The following GLI2 variants were observed in gnomAD, a reference collection of about 807,000 sequenced individuals.
GLI2 encodes GLI family zinc finger 2.
Under a neutral mutation model 78.9 loss-of-function variants are expected in GLI2, and 22 were observed. The observed-to-expected ratio is 0.28, with a 90% CI of 0.20 to 0.40. The LOEUF is 0.40. Among genes scored for constraint, GLI2 ranks in the 10% least tolerant of loss-of-function variants. GLI2 has a pLI of 1.00. For synonymous variants in GLI2, 974 were observed against 963.7 expected (o/e 1.01, Z -0.20); for missense variants, 2,097 against 2,213.2 (o/e 0.95, Z 1.05).
intron 1 of GLI2, among the ~76,000 whole-genome samples, chr2:120,786,483 G>T (rs560373806): frequency 7.7e-6 from 1 of 129,956 alleles, no homozygotes; most frequent in East Asian, 2.3e-4. Context: ...CGCCCAACCT[G>T]CAATTCCACT....
At chr2:120,856,152 G>A (rs898790043) in intron 2 of GLI2, among the ~76,000 whole-genome samples, 1 of 152,134 alleles carries the variant, frequency 6.6e-6, no homozygotes, top group Non-Finnish European at 1.5e-5. Flanking sequence ...AGTTCTCCCT[G>A]CTGTCCATCC....
chr2:120,955,109 G>A, intron 4 of GLI2, 136 bp from the exon 5 acceptor site: 11 of 684,198 alleles, frequency 1.6e-5, no homozygotes, highest in Non-Finnish European at 2.6e-5. Flanking sequence ...GGGGGAAAAT[G>A]CCGAGGAGAG....
At chr2:120,980,427 T>C (rs539762335) in intron 10 of GLI2, among the ~76,000 whole-genome samples, 1 of 152,372 alleles carries the variant, frequency 6.6e-6, no homozygotes, top group South Asian at 2.1e-4. Context: ...ATTGGCCATT[T>C]GCGTATCTTC....
chr2:120,948,178 C>T (rs1680804780), intron 3 of GLI2, among the ~76,000 whole-genome samples: 1 of 152,218 alleles, frequency 6.6e-6, no homozygotes, highest in African/African-American at 2.4e-5. Flanking sequence ...GGCCGCACAG[C>T]ATGGAGAATG....
In GLI2 at chr2:120,961,264, C is replaced by T. The variant is rs115819163; in HGVS notation, c.643+5834C>T. On this transcript the variant is annotated intron_variant, in intron 5 of 13. Coordinates refer to ENST00000361492, the MANE Select transcript of GLI2 (RefSeq NM_001374353.1). The stretch of plus-strand genomic sequence containing the variant: ...CTGTTCTTTATGCTGCCTGTGGATC[C>T]GGGGGGTTTTCAGAAACCAATTACA... Among the ~76,000 whole-genome samples, 1,309 of 152,194 alleles carry T rather than the reference C, an allele frequency of 8.6e-3. 17 individuals carry two copies. Among genetic ancestry groups the T allele is most frequent in the African/African-American group, 0.028 (1,168 of 41,524 alleles).
At chr2:120,874,023 G>A (rs1444856069) in intron 2 of GLI2, among the ~76,000 whole-genome samples, 1 of 152,090 alleles carries the variant, frequency 6.6e-6, no homozygotes, top group Non-Finnish European at 1.5e-5. Flanking sequence ...GGTTCCATGG[G>A]GTTTGCTCAT....
intron 2 of GLI2, among the ~76,000 whole-genome samples, chr2:120,798,168 C>T (rs115857030): frequency 0.017 from 2,565 of 152,284 alleles, 32 homozygotes; most frequent in Non-Finnish European, 0.027. Flanking sequence ...CTTTTTGTTC[C>T]AGTGCATTTA....
In GLI2 at chr2:120,984,536, G is replaced by A. The variant is rs1410126050; in HGVS notation, c.1698G>A (p.Lys566=). ...KRYTDPSSLR[K]HVKTVHGPDA... The stretch of plus-strand genomic sequence containing the variant: ...ACACAGACCCCAGCTCTCTCCGGAA[G>A]CATGTGAAAACGGTCCACGGCCCAG... Residue 566 remains lysine (K), a synonymous_variant, in exon 12 of 14, where the codon AAG becomes AAA. Coordinates refer to ENST00000361492, the MANE Select transcript of GLI2 (RefSeq NM_001374353.1). 6.2e-7 allele frequency: 1 copy of A among 1,614,220 alleles called. No homozygotes were observed. The highest frequency in any genetic ancestry group is 8.5e-7 in the Non-Finnish European group (1 of 1,180,030).
chr2:120,893,613 C>T (rs79465951), intron 2 of GLI2, among the ~76,000 whole-genome samples: 10,848 of 144,848 alleles, frequency 0.075, 469 homozygotes, highest in Middle Eastern at 0.13. Flanking sequence ...GGCAGTGTCT[C>T]GGGAGGAATT....
chr2:120,842,181 CCCCT>C (rs996810545), intron 2 of GLI2, among the ~76,000 whole-genome samples: 1 of 151,962 alleles, frequency 6.6e-6, no homozygotes, highest in Non-Finnish European at 1.5e-5. Flanking sequence ...CCCCCTGGTT[CCCCT>C]CCCTGGAGAC....
rs561929614 is a variant in GLI2 at position 120,741,095 on chromosome 2, G to A, written c.-31+4810G>A. Among the ~76,000 whole-genome samples, 172 of 152,338 alleles carry A rather than the reference G, an allele frequency of 1.1e-3. 2 individuals are homozygous for A. The highest frequency in any genetic ancestry group is 9.4e-4 in the Non-Finnish European group (64 of 68,034). Reference sequence around the variant, plus strand: ...GGGCTTGGGGGAGGTGGGGCGGGGGGTGTTGTTTGTATTTCCCAGACTTAC... The same window carrying A: ...GGGCTTGGGGGAGGTGGGGCGGGGGATGTTGTTTGTATTTCCCAGACTTAC... On this transcript the variant is annotated intron_variant, in intron 1 of 13. Coordinates refer to ENST00000361492, the MANE Select transcript of GLI2 (RefSeq NM_001374353.1).
chr2:120,813,571 G>C (rs1277328489), intron 2 of GLI2, among the ~76,000 whole-genome samples: 1 of 152,204 alleles, frequency 6.6e-6, no homozygotes, highest in Non-Finnish European at 1.5e-5. Flanking sequence ...GGGGCGATGG[G>C]TGCTACCACA....
In GLI2 at chr2:120,783,003, T is replaced by C. The variant is rs115746347; in HGVS notation, c.-30-14288T>C. Among the ~76,000 whole-genome samples the C allele has an allele frequency of 3.0e-3, 453 of 152,238 alleles. 2 individuals are homozygous for C. The highest frequency in any genetic ancestry group is 9.9e-3 in the African/African-American group (411 of 41,536). On this transcript the variant is annotated intron_variant, in intron 1 of 13. Coordinates refer to ENST00000361492, the MANE Select transcript of GLI2 (RefSeq NM_001374353.1). ...GTGGGCCATTGATTGGAAAGACTTG[T>C]TGGGGAGGCCATCGAAAGGAGAGGG...
intron 5 of GLI2, among the ~76,000 whole-genome samples, chr2:120,962,939 C>T (rs1681657377): frequency 6.6e-6 from 1 of 152,168 alleles, no homozygotes; most frequent in Non-Finnish European, 1.5e-5. Context: ...CCGTATTTGC[C>T]ACTCAGTTTG....
intron 2 of GLI2, among the ~76,000 whole-genome samples, chr2:120,830,974 T>G (rs1686331012): frequency 7.8e-6 from 1 of 127,796 alleles, no homozygotes. Context: ...TCCGTATCTC[T>G]CTCTGTCTCT....
intron 2 of GLI2, among the ~76,000 whole-genome samples, chr2:120,876,211 G>A (rs141008348): frequency 0.014 from 2,153 of 152,168 alleles, 46 homozygotes; most frequent in African/African-American, 0.047. Context: ...GCGTGGTGGC[G>A]GGTGCCTGTA....
Position 120,850,694 on chromosome 2 carries a change from A to G in GLI2, c.148+53226A>G, listed in dbSNP as rs183289096. 7.3e-3 allele frequency among the ~76,000 whole-genome samples: 1,111 copies of G among 152,204 alleles called. 5 individuals are homozygous for G. The highest frequency in any genetic ancestry group is 0.012 in the Non-Finnish European group (790 of 67,996). ...TACAGTCAGAGCAGAGGCTTGAGGG[A>G]TTCCAGGGGAGGGACTCCAGAAGAG... On this transcript the variant is annotated intron_variant, in intron 2 of 13. Transcript: ENST00000361492.
chr2:120,925,259 A>G (rs984199666), intron 2 of GLI2, among the ~76,000 whole-genome samples: 5 of 152,362 alleles, frequency 3.3e-5, no homozygotes, highest in Admixed American at 6.5e-5. Flanking sequence ...TGATTGAATC[A>G]GGGTGAGAAG....
At chr2:120,947,332 AG>A (rs1224865942) in intron 3 of GLI2, among the ~76,000 whole-genome samples, 4 of 152,240 alleles carry the variant, frequency 2.6e-5, no homozygotes. Flanking sequence ...CCCATCCACA[AG>A]ATGGGCATAA....
Sources: gnomAD v4.1 joint callset for allele counts (sites outside exome capture counted in the v4.1 genomes callset) on GRCh38, gnomAD v4.1.1 for gene constraint, MANE v1.5 for transcripts, NCBI Gene and HGNC (gene_info 2026-07-23, HGNC 2026-07-21) for gene names.